The following ANK1 variants were observed in gnomAD, a reference collection of about 807,000 sequenced individuals.
ANK1 encodes ankyrin 1.
A neutral mutation model predicts 210.4 loss-of-function variants in ANK1; 51 were observed. The ratio of observed to expected loss-of-function variants is 0.24; its 90% CI spans 0.19 to 0.31. The LOEUF (loss-of-function observed/expected upper bound fraction) is 0.31, where lower values mean the gene tolerates loss of function less well. Among genes scored for constraint, ANK1 ranks in the 10% least tolerant of loss-of-function variants. The pLI is 1.00. For missense variants in ANK1, 2,051 were observed against 2,504.4 expected (o/e 0.82, Z 3.86); for synonymous variants, 967 against 1,025.9 (o/e 0.94, Z 1.10).
chr8:41,787,857 A>AGAGGAG (rs1019108942), intron 1 of ANK1, among the ~76,000 whole-genome samples: 1 of 150,586 alleles, frequency 6.6e-6, no homozygotes, highest in African/African-American at 2.4e-5. Context: ...AGGAAGGAGA[A>AGAGGAG]GAGGAGGGGG....
At chr8:41,678,227 C>T (rs1467148976) in intron 37 of ANK1, among the ~76,000 whole-genome samples, 1 of 152,106 alleles carries the variant, frequency 6.6e-6, no homozygotes, top group Non-Finnish European at 1.5e-5. Context: ...CAACCTCCAC[C>T]TCCTGGGTTC....
upstream of ANK1, among the ~76,000 whole-genome samples, chr8:41,799,908 C>T (rs1219189848): frequency 6.6e-6 from 1 of 152,118 alleles, no homozygotes; most frequent in Non-Finnish European, 1.5e-5. Flanking sequence ...TCAAATTCAC[C>T]CCTGGAAGCA....
At chr8:41,837,671 AGACCAGCGTG>A (rs1808022929) in intron 1 of ANK1, among the ~76,000 whole-genome samples, 1 of 152,162 alleles carries the variant, frequency 6.6e-6, no homozygotes, top group African/African-American at 2.4e-5. Flanking sequence ...CAGGAGTTTG[AGACCAGCGTG>A]GACAACATGG....
intron 1 of ANK1, among the ~76,000 whole-genome samples, chr8:41,777,640 T>C (rs1844365616): frequency 6.6e-6 from 1 of 152,008 alleles, no homozygotes; most frequent in South Asian, 2.1e-4. Context: ...ACAAACAATG[T>C]TATGGTTGTG....
intron 16 of ANK1, among the ~76,000 whole-genome samples, chr8:41,709,989 G>C (rs1343467924): frequency 2.0e-5 from 3 of 152,192 alleles, no homozygotes; most frequent in African/African-American, 7.2e-5. Context: ...GCACTGGTTT[G>C]CAAGACATTA....
At chr8:41,671,121 A>C (rs1188867574) in intron 38 of ANK1, among the ~76,000 whole-genome samples, 2 of 152,184 alleles carry the variant, frequency 1.3e-5, no homozygotes, top group African/African-American at 2.4e-5. Context: ...TGGGAAATGC[A>C]TCACCTTCTC....
In ANK1 at chr8:41,685,944, G is replaced by C. The variant is rs548549601; in HGVS notation, c.4390+208C>G. Reference sequence around the variant, plus strand: ...AATTTTTATCTTATTCCAAGGATGTGAGAAAGGCTGAGGCCAAGCTTCTCT... The same window carrying C: ...AATTTTTATCTTATTCCAAGGATGTCAGAAAGGCTGAGGCCAAGCTTCTCT... On this transcript the variant is annotated intron_variant, in intron 36 of 42. Coordinates refer to ENST00000289734, the MANE Select transcript of ANK1 (RefSeq NM_000037.4). Among the ~76,000 whole-genome samples, 52 of 152,364 alleles carry C rather than the reference G, an allele frequency of 3.4e-4. No individual in the cohort carries two copies. The South Asian group carries it at 0.01, about 30-fold the overall frequency.
At chr8:41,891,711 T>A (rs1237261097) in intron 1 of ANK1, among the ~76,000 whole-genome samples, 3 of 152,232 alleles carry the variant, frequency 2.0e-5, no homozygotes, top group African/African-American at 7.2e-5. Flanking sequence ...AATTCCCACA[T>A]CTTCAGCCCC....
intron 1 of ANK1, among the ~76,000 whole-genome samples, chr8:41,807,155 G>A (rs1000500077): frequency 7.2e-5 from 11 of 152,054 alleles, no homozygotes; most frequent in African/African-American, 2.7e-4. Flanking sequence ...GTATGCAATG[G>A]GTAAAGAAAA....
Position 41,694,480 on chromosome 8 carries a change from C to T in ANK1, c.3327+112G>A. 1 of 1,092,604 alleles carries T rather than the reference C, an allele frequency of 9.2e-7. No individual in the cohort carries two copies. The highest frequency in any genetic ancestry group is 2.0e-5 in the Admixed American group (1 of 49,520). The allele number at this position is 1,092,604 out of a possible 1,614,324, so 67.7% of individuals were successfully genotyped here. ...CTTTAAACTCAGATCTCCACTGTGGCATTTCAAAGCACCAGACAAAAGTGT... is the reference window on the plus strand; with the variant it reads ...CTTTAAACTCAGATCTCCACTGTGGTATTTCAAAGCACCAGACAAAAGTGT... On this transcript the variant is annotated intron_variant, in intron 28 of 42. Coordinates refer to ENST00000289734, the MANE Select transcript of ANK1 (RefSeq NM_000037.4). The surrounding 1 kb of genome is among the most constrained non-coding windows in gnomAD (Gnocchi z 5.7).
Position 41,718,141 on chromosome 8 carries a change from G to A in ANK1, c.1171C>T (p.Leu391=). Residue 391 remains leucine, a synonymous_variant, in exon 11 of 43, where the codon CTG becomes TTG. Coordinates refer to ENST00000289734, the MANE Select transcript of ANK1 (RefSeq NM_000037.4). ...GCGTCGATCGAGGCTCCCGTCTTCAGCAGCAGCTCCATGACACGGACGTGG... is the reference window on the plus strand; with the variant it reads ...GCGTCGATCGAGGCTCCCGTCTTCAACAGCAGCTCCATGACACGGACGTGG... ...KNHVRVMELL[L]KTGASIDAVT... is the part of the protein sequence containing the mutation. The A allele has an allele frequency of 3.1e-6, 5 of 1,614,072 alleles. No homozygotes were observed. The highest frequency in any genetic ancestry group is 4.2e-6 in the Non-Finnish European group (5 of 1,180,016).
chr8:41,788,834 G>A (rs541700528), intron 1 of ANK1: 6 of 152,220 alleles, frequency 3.9e-5, no homozygotes, highest in African/African-American at 1.4e-4. Flanking sequence ...AACCCCTGTG[G>A]ACTAAAGACC....
intron 1 of ANK1, among the ~76,000 whole-genome samples, chr8:41,853,531 C>T (rs1164958404): frequency 6.6e-6 from 1 of 152,122 alleles, no homozygotes; most frequent in Non-Finnish European, 1.5e-5. Flanking sequence ...TTGCTGTAGG[C>T]TGTCTTGATG....
At chr8:41,895,947 A>C (rs1332919019) in intron 1 of ANK1, among the ~76,000 whole-genome samples, 1 of 151,648 alleles carries the variant, frequency 6.6e-6, no homozygotes, top group Admixed American at 6.6e-5. Flanking sequence ...CGTTTACCCA[A>C]ACCAGCTCTC....
At chr8:41,761,930 TCCCAGCCAACCTCCTCCATCCCTGCCTCA>T (rs1449217022) in intron 1 of ANK1, among the ~76,000 whole-genome samples, 7 of 150,618 alleles carry the variant, frequency 4.6e-5, no homozygotes, top group East Asian at 2.0e-4. Context: ...TCGCTCTGCC[TCCCAGCCAACCTCCTCCATCCCTGCCTCA>T]CCCAGCCAAC....
In ANK1 at chr8:41,873,069, G is replaced by A. The variant is rs189935867; in HGVS notation, c.126+23286C>T. On this transcript the variant is annotated intron_variant, in intron 1 of 42. Transcript: ENST00000265709. ...CAGCCATGCTGAACGAGCCGTTCTC[G>A]TCTCCTGCTCATTCCACCTGAGCTC... is the stretch of plus-strand genomic sequence containing the variant. 9.8e-4 allele frequency among the ~76,000 whole-genome samples: 149 copies of A among 152,364 alleles called. 2 individuals carry two copies. The highest frequency in any genetic ancestry group is 3.5e-3 in the East Asian group (18 of 5,186).
chr8:41,750,999 G>A (rs150648318), intron 2 of ANK1, among the ~76,000 whole-genome samples: 131 of 152,244 alleles, frequency 8.6e-4, no homozygotes, highest in African/African-American at 2.7e-3. Flanking sequence ...TCCAGCTCAC[G>A]GCCCCCAGTG....
At chr8:41,826,142 A>G (rs926082483) in intron 1 of ANK1, among the ~76,000 whole-genome samples, 2 of 152,130 alleles carry the variant, frequency 1.3e-5, no homozygotes, top group African/African-American at 4.8e-5. Context: ...AATCCTATAG[A>G]GGGGAGGGGT....
intron 37 of ANK1, among the ~76,000 whole-genome samples, chr8:41,682,730 G>A (rs1816459637): frequency 6.6e-6 from 1 of 152,258 alleles, no homozygotes; most frequent in Admixed American, 6.5e-5. Context: ...TCACACTCAT[G>A]TGGCTCTGGT....
Sources: gnomAD v4.1 joint callset for allele counts (sites outside exome capture counted in the v4.1 genomes callset) on GRCh38, gnomAD v4.1.1 for gene constraint, Gnocchi (gnomAD v3.1) non-coding constraint, MANE v1.5 for transcripts, NCBI Gene and HGNC (gene_info 2026-07-23, HGNC 2026-07-21) for gene names.